The following TMCC1 variants were observed in gnomAD, a reference collection of about 807,000 sequenced individuals.
The protein encoded by TMCC1 is transmembrane and coiled-coil domains protein 1.
TMCC1 carries 15 observed loss-of-function variants against 52.4 expected under a neutral mutation model. That is an observed-to-expected ratio of 0.29 (90% confidence interval 0.19 to 0.44). TMCC1 has a LOEUF of 0.44. TMCC1 is among the 20% of genes least tolerant of loss of function. TMCC1 has a pLI of 1.00. For synonymous variants in TMCC1, 279 were observed against 301.9 expected (o/e 0.92, Z 0.79); for missense variants, 503 against 806.0 (o/e 0.62, Z 4.55).
chr3:129,715,811 T>C (rs182976625), intron 4 of TMCC1, among the ~76,000 whole-genome samples: 159 of 152,338 alleles, frequency 1.0e-3, no homozygotes, highest in African/African-American at 3.4e-3. Flanking sequence ...TTACTTTATA[T>C]TGAGTGGCCA....
intron 4 of TMCC1, among the ~76,000 whole-genome samples, chr3:129,676,273 G>A (rs1049405530): frequency 3.9e-5 from 6 of 151,966 alleles, no homozygotes; most frequent in Non-Finnish European, 7.4e-5. Context: ...ATTAGAATTT[G>A]TAATTAATTT....
rs139680038 is a variant in TMCC1, at chr3:129,796,094, A to G, written c.576+31709T>C. ...GACATTTCAGTTAACAACTAGCCACATATATGACAGTGGTCCCATAAGATT... is the reference window on the plus strand; with the variant it reads ...GACATTTCAGTTAACAACTAGCCACGTATATGACAGTGGTCCCATAAGATT... On this transcript the variant is annotated intron_variant, in intron 4 of 6. Transcript: ENST00000393238. 2.4e-3 allele frequency among the ~76,000 whole-genome samples: 359 copies of G among 152,330 alleles called. 2 individuals are homozygous for G. The highest frequency in any genetic ancestry group is 0.013 in the South Asian group (65 of 4,826).
intron 4 of TMCC1, chr3:129,688,421 T>C (rs921759851): frequency 1.3e-5 from 13 of 985,310 alleles, no homozygotes; most frequent in Non-Finnish European, 1.6e-5. Flanking sequence ...TGGGAATGCT[T>C]TCCCCCACCA....
intron 4 of TMCC1, among the ~76,000 whole-genome samples, chr3:129,776,773 G>A (rs779017003): frequency 6.6e-6 from 1 of 152,176 alleles, no homozygotes; most frequent in Non-Finnish European, 1.5e-5. Flanking sequence ...GACTACAGGT[G>A]TAGTAGTCAC....
chr3:129,706,764 C>G (rs1178630548), intron 4 of TMCC1, among the ~76,000 whole-genome samples: 1 of 152,172 alleles, frequency 6.6e-6, no homozygotes, highest in African/African-American at 2.4e-5. Context: ...AAAGTCTATA[C>G]AAGACAAAGT....
intron 2 of TMCC1, among the ~76,000 whole-genome samples, chr3:129,862,495 T>C (rs928651391): frequency 2.0e-5 from 3 of 152,202 alleles, no homozygotes; most frequent in Admixed American, 1.3e-4. Flanking sequence ...AAGGTGTATA[T>C]ACAAATTAGG....
At chr3:129,757,348 G>C (rs181874670) in intron 4 of TMCC1, among the ~76,000 whole-genome samples, 40 of 152,080 alleles carry the variant, frequency 2.6e-4, no homozygotes, top group Non-Finnish European at 1.6e-4. Context: ...CCACCCCTCA[G>C]CAACCTTTCT....
At chr3:129,772,582 G>A (rs1442574616) in intron 4 of TMCC1, among the ~76,000 whole-genome samples, 57 of 151,630 alleles carry the variant, frequency 3.8e-4, no homozygotes, top group Non-Finnish European at 7.4e-4. Context: ...AATTAGCTGG[G>A]TGTGGTGGCG....
At chr3:129,821,285 G>C (rs956750534) in intron 4 of TMCC1, among the ~76,000 whole-genome samples, 6 of 152,060 alleles carry the variant, frequency 3.9e-5, no homozygotes, top group Admixed American at 1.3e-4. Context: ...TAGCTCTCTG[G>C]TCTTAGACAA....
intron 4 of TMCC1, among the ~76,000 whole-genome samples, chr3:129,806,436 C>T (rs1302472863): frequency 6.6e-6 from 1 of 152,184 alleles, no homozygotes; most frequent in Non-Finnish European, 1.5e-5. Context: ...CACCATCATC[C>T]ACCCATTTCC....
chr3:129,891,877 G>A (rs952218639), intron 1 of TMCC1, among the ~76,000 whole-genome samples: 7 of 152,178 alleles, frequency 4.6e-5, no homozygotes, highest in Middle Eastern at 3.2e-3. Flanking sequence ...GCAGAAAAGG[G>A]GAAATATTCT....
At chr3:129,873,942 T>C (rs751003747) in intron 2 of TMCC1, among the ~76,000 whole-genome samples, 10 of 152,062 alleles carry the variant, frequency 6.6e-5, no homozygotes, top group Non-Finnish European at 1.3e-4. Context: ...AACTATATTG[T>C]ATGAGGGAAA....
chr3:129,660,826 G>C (rs1383159114), intron 5 of TMCC1, among the ~76,000 whole-genome samples: 4 of 152,096 alleles, frequency 2.6e-5, no homozygotes, highest in African/African-American at 9.7e-5. Context: ...GGAGTACAGT[G>C]GTTATTCAGA....
intron 4 of TMCC1, among the ~76,000 whole-genome samples, chr3:129,790,289 A>T (rs1003658086): frequency 1.3e-5 from 2 of 152,246 alleles, no homozygotes; most frequent in African/African-American, 4.8e-5. Context: ...ATCTTAGAAC[A>T]ATCTGTATGG....
intron 2 of TMCC1, among the ~76,000 whole-genome samples, chr3:129,872,918 T>C: frequency 6.8e-6 from 1 of 147,098 alleles, no homozygotes; most frequent in East Asian, 2.0e-4. Flanking sequence ...CGCATGGAAT[T>C]TTTTTTTTTT....
chr3:129,790,094 A>C (rs941056523), intron 4 of TMCC1, among the ~76,000 whole-genome samples: 5 of 152,220 alleles, frequency 3.3e-5, no homozygotes, highest in African/African-American at 1.2e-4. Flanking sequence ...AAAATAAGGT[A>C]TGATTGAAAA....
chr3:129,808,569 GAC>G (rs2057603293), intron 4 of TMCC1, among the ~76,000 whole-genome samples: 3 of 151,392 alleles, frequency 2.0e-5, no homozygotes, highest in Admixed American at 1.3e-4. Context: ...AGAACCCAAT[GAC>G]AGTTATAAAC....
intron 4 of TMCC1, among the ~76,000 whole-genome samples, chr3:129,702,404 T>C (rs1001532588): frequency 7.2e-5 from 11 of 152,162 alleles, no homozygotes; most frequent in Non-Finnish European, 8.8e-5. Flanking sequence ...AAAAAATATA[T>C]ATTGAGAAAT....
At chr3:129,788,665 TCAC>T (rs1285490178) in intron 4 of TMCC1, among the ~76,000 whole-genome samples, 1 of 152,018 alleles carries the variant, frequency 6.6e-6, no homozygotes, top group Non-Finnish European at 1.5e-5. Flanking sequence ...AGACGGGGTT[TCAC>T]CGTGTTAGCC....
Sources: gnomAD v4.1 joint callset for allele counts (sites outside exome capture counted in the v4.1 genomes callset) on GRCh38, gnomAD v4.1.1 for gene constraint, MANE v1.5 for transcripts, NCBI Gene and HGNC (gene_info 2026-07-23, HGNC 2026-07-21) for gene names.